The following IGF2BP2 variants were observed in gnomAD, a reference collection of about 807,000 sequenced individuals.
The protein encoded by IGF2BP2 is insulin like growth factor 2 mRNA binding protein 2, also known as insulin-like growth factor 2 mRNA-binding protein 2.
Under a neutral mutation model 75.8 loss-of-function variants are expected in IGF2BP2, and 17 were observed. The ratio of observed to expected loss-of-function variants is 0.22; its 90% CI spans 0.15 to 0.34. The LOEUF is 0.34. Ranked by LOEUF, IGF2BP2 falls within the 10% of genes least tolerant of loss-of-function variation. IGF2BP2 has a pLI of 1.00. For missense variants in IGF2BP2, 516 were observed against 772.4 expected, an observed-to-expected ratio of 0.67 and a Z score of 3.93; for synonymous variants, 288 against 295.6, an observed-to-expected ratio of 0.97 and a Z score of 0.26.
At chr3:185,705,224 GT>G (rs967488764) in intron 2 of IGF2BP2, among the ~76,000 whole-genome samples, 2 of 152,220 alleles carry the variant, frequency 1.3e-5, no homozygotes, top group African/African-American at 4.8e-5. Context: ...AGCCTCCTGA[GT>G]AGCTGGGACT....
chr3:185,747,837 T>TACTCTACTCC (rs1730454763), intron 2 of IGF2BP2, among the ~76,000 whole-genome samples: 1 of 151,968 alleles, frequency 6.6e-6, no homozygotes, highest in Non-Finnish European at 1.5e-5. Flanking sequence ...TATTCTACTC[T>TACTCTACTCC]ACTCTACTCC....
At chr3:185,750,473 A>C (rs1437093362) in intron 2 of IGF2BP2, among the ~76,000 whole-genome samples, 1 of 152,140 alleles carries the variant, frequency 6.6e-6, no homozygotes, top group Non-Finnish European at 1.5e-5. Flanking sequence ...AGTAAGACAC[A>C]CCTGAGTATC....
Position 185,689,539 on chromosome 3 carries a change from G to T in IGF2BP2, c.493C>A (p.Pro165Thr), listed in dbSNP as rs760879801. The T allele has an allele frequency of 6.2e-7, 1 of 1,614,240 alleles. No homozygotes were observed. Among genetic ancestry groups the T allele is most frequent in the Non-Finnish European group, 8.5e-7 (1 of 1,180,038 alleles). The change falls in exon 6 of 16, where the codon CCC becomes ACC. Residue 165 changes from proline to threonine, a missense_variant. Physicochemically the swap from Pro to Thr is conservative, Grantham distance 38. Transcript: ENST00000382199. The part of the protein sequence containing the change: ...IPDEEVSSPS[P>T]PQRAQRGDHS... ...TCCCCACGCTGGGCTCGCTGAGGGG[G>T]CGAAGGGGAGCTCACCTCTTCATCC...
At position 185,796,564 on chromosome 3, in the gene IGF2BP2, C is replaced by CAA. The variant is rs60331633; in HGVS notation, c.239+26587_239+26588dup. Among the ~76,000 whole-genome samples, 134 of 71,568 alleles carry CAA rather than the reference C, an allele frequency of 1.9e-3. 1 individual carries two copies. Among genetic ancestry groups the CAA allele is most frequent in the East Asian group, 0.014 (32 of 2,302 alleles). 47.0% of individuals were successfully genotyped at this position (71,568 alleles called of 152,430 possible). A position where few individuals can be genotyped will look rare whatever the true frequency, so the allele number is the denominator to read the frequency against. On this transcript the variant is annotated intron_variant, in intron 2 of 15. Coordinates refer to ENST00000382199, the MANE Select transcript of IGF2BP2 (RefSeq NM_006548.6). ...TGGGTGACAGAGTGACATTCCGTCTCAAAAAAAAAAAAAAAAAAAAAATTC... is the reference window on the plus strand; with the variant it reads ...TGGGTGACAGAGTGACATTCCGTCTCAAAAAAAAAAAAAAAAAAAAAAAATTC...
intron 2 of IGF2BP2, among the ~76,000 whole-genome samples, chr3:185,764,917 G>A (rs1485462692): frequency 1.3e-5 from 2 of 152,146 alleles, no homozygotes; most frequent in Admixed American, 1.3e-4. Context: ...AAATCTGGAA[G>A]GACACTGGCA....
chr3:185,719,306 A>C (rs779796159), intron 2 of IGF2BP2, among the ~76,000 whole-genome samples: 3 of 152,222 alleles, frequency 2.0e-5, no homozygotes, highest in African/African-American at 7.2e-5. Flanking sequence ...AAGACACTGC[A>C]TATCTTTGAT....
intron 2 of IGF2BP2, among the ~76,000 whole-genome samples, chr3:185,805,669 G>A (rs1480408390): frequency 6.6e-6 from 1 of 152,066 alleles, no homozygotes; most frequent in Admixed American, 6.5e-5. Context: ...CAAGGACATA[G>A]AGTTATAGAT....
chr3:185,760,748 C>G (rs935774651), intron 2 of IGF2BP2, among the ~76,000 whole-genome samples: 1 of 152,158 alleles, frequency 6.6e-6, no homozygotes, highest in Admixed American at 6.5e-5. Context: ...GTAAGATTCC[C>G]TAGCAGGCTC....
intron 7 of IGF2BP2, among the ~76,000 whole-genome samples, chr3:185,681,606 G>C (rs1361435322): frequency 4.6e-5 from 7 of 152,152 alleles, no homozygotes; most frequent in Non-Finnish European, 1.0e-4. Flanking sequence ...AAGGGACCTT[G>C]AATAGCCAAA....
intron 2 of IGF2BP2, among the ~76,000 whole-genome samples, chr3:185,751,344 G>C (rs534361110): frequency 2.0e-5 from 3 of 151,984 alleles, no homozygotes; most frequent in Non-Finnish European, 4.4e-5. Flanking sequence ...TTGGGAGGCC[G>C]AGGCAGGCAG....
chr3:185,798,976 A>G (rs1327476061), intron 2 of IGF2BP2, among the ~76,000 whole-genome samples: 1 of 151,716 alleles, frequency 6.6e-6, no homozygotes, highest in Admixed American at 6.6e-5. Context: ...GGGTTTCACC[A>G]TGTTGTCCAG....
intron 10 of IGF2BP2, among the ~76,000 whole-genome samples, chr3:185,658,731 C>T (rs1229073301): frequency 6.6e-6 from 1 of 152,220 alleles, no homozygotes; most frequent in Non-Finnish European, 1.5e-5. Flanking sequence ...CACCCACTGG[C>T]ACTTGCACCC....
chr3:185,804,886 G>C (rs1489685337), intron 2 of IGF2BP2, among the ~76,000 whole-genome samples: 1 of 151,758 alleles, frequency 6.6e-6, no homozygotes, highest in Non-Finnish European at 1.5e-5. Context: ...CCAGCTACTC[G>C]GGAGGCTGAG....
intron 9 of IGF2BP2, among the ~76,000 whole-genome samples, chr3:185,673,089 CATAG>C (rs1483840512): frequency 6.6e-6 from 1 of 152,214 alleles, no homozygotes; most frequent in Non-Finnish European, 1.5e-5. Flanking sequence ...TTCACCTGAG[CATAG>C]ATTACCCCTC....
chr3:185,744,484 T>C (rs941845014), intron 2 of IGF2BP2, among the ~76,000 whole-genome samples: 2 of 152,218 alleles, frequency 1.3e-5, no homozygotes, highest in East Asian at 1.9e-4. Context: ...TACTATTAAT[T>C]TGACACCTTC....
intron 10 of IGF2BP2, among the ~76,000 whole-genome samples, chr3:185,662,304 C>A (rs1332493028): frequency 6.6e-6 from 1 of 151,782 alleles, no homozygotes; most frequent in African/African-American, 2.4e-5. Context: ...ATGGTGAAAC[C>A]CCACTTCTAC....
intron 2 of IGF2BP2, among the ~76,000 whole-genome samples, chr3:185,772,374 A>G (rs577850174): frequency 1.3e-5 from 2 of 152,268 alleles, no homozygotes; most frequent in African/African-American, 4.8e-5. Flanking sequence ...CCAACCTTCC[A>G]CACGATATCT....
chr3:185,809,404 T>A (rs1739495029), intron 2 of IGF2BP2, among the ~76,000 whole-genome samples: 1 of 152,184 alleles, frequency 6.6e-6, no homozygotes, highest in Non-Finnish European at 1.5e-5. Flanking sequence ...TATGAAGGTT[T>A]AAAGAACCTT....
At chr3:185,687,034 C>T (rs767224199) in intron 7 of IGF2BP2, 23 bp downstream of exon 7, 1 of 1,608,282 alleles carries the variant, frequency 6.2e-7, no homozygotes, top group Admixed American at 1.7e-5. Flanking sequence ...GTTGAGTGAT[C>T]TGGGCATTGC....
Sources: allele counts gnomAD v4.1 joint callset (sites outside exome capture counted in the v4.1 genomes callset), GRCh38; gene constraint gnomAD v4.1.1; transcripts MANE v1.5; gene names NCBI Gene and HGNC (gene_info 2026-07-23, HGNC 2026-07-21).